Variants in CSNK1G1 observed in about 807,000 individuals in gnomAD.
CSNK1G1 encodes the protein casein kinase 1 gamma 1.
In CSNK1G1, 22 loss-of-function variants were observed where a neutral mutation model predicts 59.6. That is an observed-to-expected ratio of 0.37 (90% CI 0.26 to 0.53). CSNK1G1 has a LOEUF of 0.53. Among genes scored for constraint, CSNK1G1 ranks in the 20% least tolerant of loss-of-function variants. The pLI is 0.89. For missense variants in CSNK1G1, 384 were observed against 519.5 expected (o/e 0.74, Z 2.54); for synonymous variants, 179 against 177.1 (o/e 1.01, Z -0.08).
intron 1 of CSNK1G1, among the ~76,000 whole-genome samples, chr15:64,321,229 T>TA (rs965504576): frequency 9.5e-4 from 142 of 149,298 alleles, no homozygotes; most frequent in African/African-American, 3.2e-3. Flanking sequence ...CCCACTGAAA[T>TA]AAAAAAAAGC....
chr15:64,206,112 C>G (rs1461895170), intron 7 of CSNK1G1, among the ~76,000 whole-genome samples: 2 of 152,170 alleles, frequency 1.3e-5, no homozygotes, highest in Non-Finnish European at 2.9e-5. Context: ...TCGAGACCAG[C>G]CTGACCAACA....
chr15:64,236,036 G>C (rs915637054), intron 4 of CSNK1G1, among the ~76,000 whole-genome samples: 1 of 151,292 alleles, frequency 6.6e-6, no homozygotes, highest in South Asian at 2.1e-4. Context: ...ACAACTACTC[G>C]GGAGGCTGAG....
At chr15:64,205,716 C>G (rs2082169585) in intron 7 of CSNK1G1, among the ~76,000 whole-genome samples, 1 of 152,094 alleles carries the variant, frequency 6.6e-6, no homozygotes, top group Admixed American at 6.5e-5. Context: ...GAGTTTCAAG[C>G]AATTAATAAT....
intron 4 of CSNK1G1, among the ~76,000 whole-genome samples, chr15:64,249,717 C>T (rs1026549198): frequency 6.6e-6 from 1 of 152,176 alleles, no homozygotes; most frequent in Non-Finnish European, 1.5e-5. Flanking sequence ...TCCTCTAATG[C>T]CCTCCCTGTT....
chr15:64,290,191 A>G (rs1453150165), intron 2 of CSNK1G1, among the ~76,000 whole-genome samples: 3 of 152,140 alleles, frequency 2.0e-5, no homozygotes, highest in Admixed American at 6.5e-5. Flanking sequence ...TGATCCTGCA[A>G]TCTCACTAAT....
chr15:64,299,962 A>G (rs971786324), intron 2 of CSNK1G1, among the ~76,000 whole-genome samples: 2 of 152,170 alleles, frequency 1.3e-5, no homozygotes, highest in Non-Finnish European at 1.5e-5. Flanking sequence ...TTAAAAGACC[A>G]ACAGCATCTG....
chr15:64,271,231 G>A (rs984915940), intron 2 of CSNK1G1, among the ~76,000 whole-genome samples: 4 of 151,798 alleles, frequency 2.6e-5, no homozygotes, highest in Non-Finnish European at 4.4e-5. Context: ...CAAGTGATCC[G>A]CCTGTCTCAG....
chr15:64,218,007 G>GT (rs962921532), intron 4 of CSNK1G1, among the ~76,000 whole-genome samples: 1 of 152,026 alleles, frequency 6.6e-6, no homozygotes, highest in African/African-American at 2.4e-5. Flanking sequence ...GAGTGCAGTG[G>GT]TAAGATCTCG....
intron 2 of CSNK1G1, among the ~76,000 whole-genome samples, chr15:64,277,527 A>C (rs1012469305): frequency 2.0e-5 from 3 of 148,016 alleles, no homozygotes; most frequent in African/African-American, 7.4e-5. Flanking sequence ...CCCTGCTACA[A>C]GTTTTCATAT....
chr15:64,203,176 C>T lies in CSNK1G1; in HGVS notation c.1013G>A (p.Gly338Glu). ...TGCACCAGAATCTACGTGAACTGAC[C>T]CTACTGGAGTAGGCTAGAAAAATGA... is the stretch of plus-strand genomic sequence containing the variant. Reference protein sequence around the residue: ...WVGRPIPTPVGSVHVDSGASA... With the variant: ...WVGRPIPTPVESVHVDSGASA... The change falls in exon 10 of 12, where the codon GGG becomes GAG. Residue 338 changes from glycine to glutamate, a missense_variant. By Grantham distance (98) the Gly-to-Glu change is moderately conservative. Coordinates refer to ENST00000303052, the MANE Select transcript of CSNK1G1 (RefSeq NM_022048.5). 1.2e-6 allele frequency: 2 copies of T among 1,613,378 alleles called. No homozygotes were observed. The highest frequency in any genetic ancestry group is 8.5e-7 in the Non-Finnish European group (1 of 1,179,498).
intron 2 of CSNK1G1, among the ~76,000 whole-genome samples, chr15:64,277,191 G>T (rs541270211): frequency 2.6e-5 from 4 of 152,274 alleles, no homozygotes; most frequent in African/African-American, 9.6e-5. Flanking sequence ...GAGGCTGGGT[G>T]CTGTGGCACA....
intron 4 of CSNK1G1, among the ~76,000 whole-genome samples, chr15:64,243,220 C>T (rs1891567464): frequency 6.6e-6 from 1 of 152,012 alleles, no homozygotes; most frequent in Admixed American, 6.6e-5. Flanking sequence ...CCTGTAATCC[C>T]AGCTACTCGG....
chr15:64,264,619 G>A (rs981773086), intron 2 of CSNK1G1, among the ~76,000 whole-genome samples: 6 of 152,220 alleles, frequency 3.9e-5, no homozygotes, highest in South Asian at 4.1e-4. Context: ...GGCACAAATC[G>A]TCAACAAAAT....
intron 3 of CSNK1G1, among the ~76,000 whole-genome samples, chr15:64,252,367 C>G (rs1365226650): frequency 6.6e-6 from 1 of 151,940 alleles, no homozygotes; most frequent in Non-Finnish European, 1.5e-5. Context: ...TGTGCCACCA[C>G]TCACAGCTAA....
At chr15:64,192,496 T>C (rs2081984931) in intron 10 of CSNK1G1, among the ~76,000 whole-genome samples, 1 of 152,040 alleles carries the variant, frequency 6.6e-6, no homozygotes, top group African/African-American at 2.4e-5. Context: ...CAGAAGACTG[T>C]TGAAAAAGTG....
chr15:64,337,567 T>A (rs1897455321), intron 1 of CSNK1G1, among the ~76,000 whole-genome samples: 1 of 152,138 alleles, frequency 6.6e-6, no homozygotes, highest in East Asian at 1.9e-4. Flanking sequence ...ACTCTTAGCC[T>A]CAAGTAATCC....
At chr15:64,250,490 C>A (rs1892013888) in intron 4 of CSNK1G1, among the ~76,000 whole-genome samples, 1 of 152,138 alleles carries the variant, frequency 6.6e-6, no homozygotes, top group Non-Finnish European at 1.5e-5. Flanking sequence ...TGCCTGTAAT[C>A]CCAGCATTTT....
intron 4 of CSNK1G1, among the ~76,000 whole-genome samples, chr15:64,238,577 CTTACTGTGTGACT>C (rs1420336388): frequency 7.7e-6 from 1 of 130,458 alleles, no homozygotes; most frequent in Non-Finnish European, 1.6e-5. Flanking sequence ...TGCAGGTTTG[CTTACTGTGTGACT>C]TTAGGTAAGT....
At chr15:64,264,616 A>G (rs1892881875) in intron 2 of CSNK1G1, among the ~76,000 whole-genome samples, 1 of 152,240 alleles carries the variant, frequency 6.6e-6, no homozygotes, top group South Asian at 2.1e-4. Flanking sequence ...AGAGGCACAA[A>G]TCGTCAACAA....
Sources: gnomAD v4.1 joint callset for allele counts (sites outside exome capture counted in the v4.1 genomes callset) on GRCh38, gnomAD v4.1.1 for gene constraint, MANE v1.5 for transcripts, NCBI Gene and HGNC (gene_info 2026-07-23, HGNC 2026-07-21) for gene names.